The following ANO3 variants were observed in gnomAD, a reference collection of about 807,000 sequenced individuals.
ANO3 encodes the protein anoctamin 3.
In ANO3, 99 loss-of-function variants were observed where a neutral mutation model predicts 144.8. That is an observed-to-expected ratio of 0.68 (90% CI 0.58 to 0.81). The LOEUF (loss-of-function observed/expected upper bound fraction) is 0.81, where lower values mean the gene tolerates loss of function less well. ANO3 is among the 30% of genes least tolerant of loss of function. The pLI is 0.00. For missense variants in ANO3, 905 were observed against 1,202.2 expected (o/e 0.75, Z 3.66); for synonymous variants, 414 against 392.6 (o/e 1.05, Z -0.64).
intron 1 of ANO3, among the ~76,000 whole-genome samples, chr11:26,350,178 C>T (rs558854778): frequency 2.9e-4 from 44 of 152,168 alleles, no homozygotes; most frequent in African/African-American, 9.4e-4. Context: ...ACTCAATTTC[C>T]GAATTTCTTT....
At chr11:26,543,018 C>T (rs766485195) in intron 11 of ANO3, among the ~76,000 whole-genome samples, 1 of 152,160 alleles carries the variant, frequency 6.6e-6, no homozygotes, top group Admixed American at 6.6e-5. Flanking sequence ...TATACAGAAG[C>T]ATAAGCCAGG....
intron 1 of ANO3, among the ~76,000 whole-genome samples, chr11:26,360,532 T>C (rs889401461): frequency 6.6e-6 from 1 of 152,178 alleles, no homozygotes; most frequent in Non-Finnish European, 1.5e-5. Flanking sequence ...AGTTTATTCC[T>C]GTGCCTCACA....
intron 1 of ANO3, among the ~76,000 whole-genome samples, chr11:26,323,983 A>G (rs1488687999): frequency 1.3e-5 from 2 of 152,204 alleles, no homozygotes; most frequent in East Asian, 3.9e-4. Context: ...CTCCATCTCC[A>G]GAGAAATGTC....
chr11:26,572,742 C>T (rs1211947136), intron 14 of ANO3, among the ~76,000 whole-genome samples: 1 of 152,016 alleles, frequency 6.6e-6, no homozygotes, highest in African/African-American at 2.4e-5. Flanking sequence ...TCCCTGAGAA[C>T]GCTGTGAGGT....
At chr11:26,495,294 G>C (rs1052168771) in intron 4 of ANO3, among the ~76,000 whole-genome samples, 11 of 143,520 alleles carry the variant, frequency 7.7e-5, no homozygotes, top group African/African-American at 2.3e-4. Context: ...TTTTTCTGTA[G>C]AGATAGGGTT....
At chr11:26,431,527 A>G (rs1293928015) in intron 1 of ANO3, among the ~76,000 whole-genome samples, 1 of 152,158 alleles carries the variant, frequency 6.6e-6, no homozygotes, top group Non-Finnish European at 1.5e-5. Context: ...CTAGTACCCA[A>G]TAGTTATTTT....
chr11:26,445,299 T>C (rs187181298), intron 3 of ANO3, among the ~76,000 whole-genome samples: 107 of 152,302 alleles, frequency 7.0e-4, no homozygotes, highest in Middle Eastern at 3.4e-3. Context: ...AAAATATCCA[T>C]ACAGGTGGGA....
intron 1 of ANO3, among the ~76,000 whole-genome samples, chr11:26,248,194 C>T (rs147489316): frequency 0.016 from 2,458 of 151,968 alleles, 69 homozygotes; most frequent in African/African-American, 0.056. Flanking sequence ...AAAAATTAAC[C>T]AGGTGTGGTG....
chr11:26,387,609 T>C (rs1399525524), intron 1 of ANO3, among the ~76,000 whole-genome samples: 2 of 152,202 alleles, frequency 1.3e-5, no homozygotes, highest in Non-Finnish European at 2.9e-5. Context: ...ATGTCCTGTA[T>C]GTTATTTTTC....
intron 4 of ANO3, among the ~76,000 whole-genome samples, chr11:26,500,711 A>G (rs1413181094): frequency 6.6e-6 from 1 of 151,834 alleles, no homozygotes; most frequent in Non-Finnish European, 1.5e-5. Context: ...TTCTTATCAG[A>G]TGTTTGGTTT....
chr11:26,374,108 G>A (rs562161383), intron 1 of ANO3, among the ~76,000 whole-genome samples: 1 of 152,234 alleles, frequency 6.6e-6, no homozygotes, highest in South Asian at 2.1e-4. Flanking sequence ...AGGTACTTGT[G>A]TTTTCCAGGT....
intron 1 of ANO3, among the ~76,000 whole-genome samples, chr11:26,382,849 G>A (rs1250113104): frequency 6.6e-6 from 1 of 152,148 alleles, no homozygotes. Flanking sequence ...ATGTCAAAGA[G>A]TTGTAGCCCC....
chr11:26,276,869 T>C (rs1853570562), intron 1 of ANO3, among the ~76,000 whole-genome samples: 1 of 152,164 alleles, frequency 6.6e-6, no homozygotes, highest in Non-Finnish European at 1.5e-5. Context: ...ACTCAAATGA[T>C]ATTTCACCTC....
At chr11:26,332,806 G>T (rs1855090605) in intron 1 of ANO3, among the ~76,000 whole-genome samples, 1 of 152,096 alleles carries the variant, frequency 6.6e-6, no homozygotes, top group Non-Finnish European at 1.5e-5. Context: ...AGTTAAAGGG[G>T]CTCTGTCACT....
intron 9 of ANO3, among the ~76,000 whole-genome samples, chr11:26,535,400 T>A (rs775870735): frequency 2.0e-5 from 3 of 152,086 alleles, no homozygotes; most frequent in Non-Finnish European, 2.9e-5. Context: ...AAACAAGATA[T>A]ACTTTTAATT....
In ANO3 at chr11:26,242,920, G is replaced by A. The variant is rs561353356; in HGVS notation, c.154+53590G>A. Among the ~76,000 whole-genome samples, 3 of 152,304 alleles carry A rather than the reference G, an allele frequency of 2.0e-5. No homozygotes were observed. In the South Asian group the frequency reaches 6.2e-4, roughly 32 times the overall value. ...CAGACATTTAGAAATAATGTATGAA[G>A]AATTAAGCAACATTTCTCAATTTTA... is the stretch of plus-strand genomic sequence containing the variant. On this transcript the variant is annotated intron_variant, in intron 1 of 27. Transcript: ENST00000672621.
chr11:26,641,191 T>C (rs4551717), intron 21 of ANO3, among the ~76,000 whole-genome samples: 57,465 of 152,070 alleles, frequency 0.38, 11,725 homozygotes, highest in South Asian at 0.49. Context: ...TACTTCCTTT[T>C]CAGGTGTGAG....
chr11:26,448,435 C>G (rs1292572851), intron 3 of ANO3, among the ~76,000 whole-genome samples: 1 of 152,120 alleles, frequency 6.6e-6, no homozygotes, highest in East Asian at 1.9e-4. Flanking sequence ...ATGACTTCCT[C>G]AGGAATGGGT....
intron 1 of ANO3, among the ~76,000 whole-genome samples, chr11:26,196,590 A>AAACACAAGGATGACCACAGAGAGC (rs1478482904): frequency 6.6e-6 from 1 of 152,190 alleles, no homozygotes; most frequent in Non-Finnish European, 1.5e-5. Context: ...AATTTCTGGT[A>AAACACAAGGATGACCACAGAGAGC]AACACAAGGA....
Sources: gnomAD v4.1 joint callset for allele counts (sites outside exome capture counted in the v4.1 genomes callset) on GRCh38, gnomAD v4.1.1 for gene constraint, MANE v1.5 for transcripts, NCBI Gene and HGNC (gene_info 2026-07-23, HGNC 2026-07-21) for gene names.